The following GPR20 variants were observed in gnomAD, a reference collection of about 807,000 sequenced individuals.
GPR20 encodes the protein CTD-3064M3.3.
For missense variants in GPR20, 494 were observed against 527.4 expected, an observed-to-expected ratio of 0.94 and a Z score of 0.62; for synonymous variants, 241 against 241.9, an observed-to-expected ratio of 1.00 and a Z score of 0.04.
chr8:141,357,477 G>A lies in GPR20; in HGVS notation c.447C>T (p.Tyr149=). Residue 149 remains tyrosine (Y), a synonymous_variant, in exon 2 of 2, where the codon TAC becomes TAT. Coordinates refer to ENST00000377741, the MANE Select transcript of GPR20 (RefSeq NM_005293.3). ...AGCCTTCGGGCCGCACGATGGCCAG[G>A]TAGCGGTCCACGCAGATGCAGGTGA... ...LFLTCICVDR[Y]LAIVRPEGSR... The A allele has an allele frequency of 6.2e-7, 1 of 1,612,822 alleles. No homozygotes were observed. Among genetic ancestry groups the A allele is most frequent in the Non-Finnish European group, 8.5e-7 (1 of 1,179,836 alleles).
At chr8:141,362,495 C>G (rs535306631) in intron 1 of GPR20, among the ~76,000 whole-genome samples, 1 of 152,332 alleles carries the variant, frequency 6.6e-6, no homozygotes, top group South Asian at 2.1e-4. Context: ...TGAATGAACG[C>G]CCTGAGCAAG....
chr8:141,361,738 T>C (rs1033987578), intron 1 of GPR20, among the ~76,000 whole-genome samples: 9 of 145,442 alleles, frequency 6.2e-5, no homozygotes, highest in Non-Finnish European at 1.0e-4. Context: ...CTGCCCTGCA[T>C]GGCTGTCTTG....
chr8:141,364,392 A>T (rs1831784181), intron 1 of GPR20, among the ~76,000 whole-genome samples: 2 of 152,306 alleles, frequency 1.3e-5, no homozygotes, highest in South Asian at 4.1e-4. Flanking sequence ...GTTTTTGATA[A>T]GTCTGAGCCT....
At position 141,357,866 on chromosome 8, in the gene GPR20, C is replaced by T. The variant is rs1317301177; in HGVS notation, c.58G>A (p.Val20Met). 1 of 1,608,964 alleles carries T rather than the reference C, an allele frequency of 6.2e-7. No individual in the cohort carries two copies. Among genetic ancestry groups the T allele is most frequent in the East Asian group, 2.2e-5 (1 of 44,672 alleles). The change falls in exon 2 of 2, where the codon GTG (valine) becomes ATG (methionine). Residue 20 changes from valine to methionine, a missense_variant. Val to Met is a conservative substitution (Grantham distance 21, BLOSUM62 1). Transcript: ENST00000377741. ...CTGGCATTGGTCCGCACTGTTGTCA[C>T]TGCGGTGGCATTGGGGACTGCCCCG... Reference protein sequence around the residue: ...SAGAVPNATAVTTVRTNASGL... With the variant: ...SAGAVPNATAMTTVRTNASGL...
chr8:141,360,969 C>T (rs1045600022), intron 1 of GPR20, among the ~76,000 whole-genome samples: 1 of 152,182 alleles, frequency 6.6e-6, no homozygotes, highest in African/African-American at 2.4e-5. Context: ...GAGGCAGGGC[C>T]CTGTCCCCAA....
chr8:141,363,902 G>T (rs1369908621), intron 1 of GPR20, among the ~76,000 whole-genome samples: 1 of 152,268 alleles, frequency 6.6e-6, no homozygotes, highest in Non-Finnish European at 1.5e-5. Context: ...GACCCTGTGT[G>T]CTGTCTGTGG....
chr8:141,357,971 C>A (rs768535542), intron 1 of GPR20, 24 bp from the exon 2 acceptor site: 3 of 1,209,656 alleles, frequency 2.5e-6, no homozygotes, highest in African/African-American at 3.0e-5. Flanking sequence ...GACCAGGTCA[C>A]CCCAGGCGCC....
chr8:141,357,948 C>G lies in GPR20; in HGVS notation c.-24-1G>C. ...TGACGGCAGCCAGCACACCCCAGGC[C>G]TGGAAGCAAGGAGACCAGGTCACCC... is the stretch of plus-strand genomic sequence containing the variant. On this transcript the variant is annotated splice_acceptor_variant, in intron 1 of 1. Coordinates refer to ENST00000377741, the MANE Select transcript of GPR20 (RefSeq NM_005293.3). LOFTEE classifies it low-confidence loss of function (5UTR_SPLICE). The G allele has an allele frequency of 7.0e-7, 1 of 1,425,084 alleles. No individual in the cohort carries two copies. The highest frequency in any genetic ancestry group is 9.5e-7 in the Non-Finnish European group (1 of 1,049,580). The allele number at this position is 1,425,084 out of a possible 1,614,324, so 88.3% of individuals were successfully genotyped here. A position where few individuals can be genotyped will look rare whatever the true frequency, so the allele number is the denominator to read the frequency against.
intron 1 of GPR20, among the ~76,000 whole-genome samples, chr8:141,358,650 G>GC (rs756232272): frequency 1.1e-3 from 160 of 152,322 alleles, no homozygotes; most frequent in Non-Finnish European, 2.0e-3. Flanking sequence ...TCAGGTCAAT[G>GC]CCCTGGATGG....
chr8:141,361,123 C>T (rs990002808), intron 1 of GPR20, among the ~76,000 whole-genome samples: 1 of 152,250 alleles, frequency 6.6e-6, no homozygotes, highest in Non-Finnish European at 1.5e-5. Context: ...CAGGGACTGG[C>T]ACCGTGTCCT....
intron 1 of GPR20, among the ~76,000 whole-genome samples, chr8:141,360,832 G>C (rs1831723512): frequency 6.6e-6 from 1 of 152,244 alleles, no homozygotes; most frequent in Non-Finnish European, 1.5e-5. Flanking sequence ...ACCTGGGCCT[G>C]GTCAGTAGGC....
chr8:141,357,388 C>G lies in GPR20; in HGVS notation c.536G>C (p.Gly179Ala). ...AVCAFVWLAA[G>A]AVTLSVLGVT... ...GCCCAGCACCGACAGGGTGACGGCACCGGCGGCCAGCCACACGAAGGCGCA... is the reference window on the plus strand; with the variant it reads ...GCCCAGCACCGACAGGGTGACGGCAGCGGCGGCCAGCCACACGAAGGCGCA... Residue 179 changes from glycine to alanine, a missense_variant, in exon 2 of 2, where the codon GGT becomes GCT. Gly to Ala is a moderately conservative substitution (Grantham distance 60, BLOSUM62 0). Transcript: ENST00000377741. 1 of 1,580,940 alleles carries G rather than the reference C, an allele frequency of 6.3e-7. No individual in the cohort carries two copies. Among genetic ancestry groups the G allele is most frequent in the East Asian group, 2.3e-5 (1 of 43,164 alleles).
intron 1 of GPR20, among the ~76,000 whole-genome samples, chr8:141,365,950 C>T (rs1831808137): frequency 3.9e-5 from 6 of 152,216 alleles, no homozygotes; most frequent in Admixed American, 3.9e-4. Flanking sequence ...TGGAGTGCCT[C>T]AGGGGCCCTG....
intron 1 of GPR20, among the ~76,000 whole-genome samples, chr8:141,362,444 G>C (rs116103130): frequency 0.019 from 2,958 of 152,332 alleles, 99 homozygotes; most frequent in African/African-American, 0.067. Flanking sequence ...CCAGCACCCA[G>C]ATTGGCCTGG....
At chr8:141,362,103 C>T (rs1488807851) in intron 1 of GPR20, among the ~76,000 whole-genome samples, 2 of 152,216 alleles carry the variant, frequency 1.3e-5, no homozygotes, top group African/African-American at 4.8e-5. Flanking sequence ...CCAGTCACTG[C>T]ACCTGACTGA....
At chr8:141,358,780 CT>C (rs913535982) in intron 1 of GPR20, among the ~76,000 whole-genome samples, 3 of 152,234 alleles carry the variant, frequency 2.0e-5, no homozygotes, top group Non-Finnish European at 2.9e-5. Context: ...GCGGGCACCC[CT>C]ATGATCCCCC....
intron 1 of GPR20, among the ~76,000 whole-genome samples, chr8:141,363,418 C>A (rs1831768446): frequency 6.6e-6 from 1 of 152,280 alleles, no homozygotes; most frequent in South Asian, 2.1e-4. Context: ...GTCCTGGGAA[C>A]TTCCAAGGGG....
At position 141,357,109 on chromosome 8, in the gene GPR20, T is replaced by C; in HGVS notation, c.815A>G (p.His272Arg). The change falls in exon 2 of 2, where the codon CAC becomes CGC. Residue 272 changes from histidine (H) to arginine (R), a missense_variant. Physicochemically the swap from His to Arg is conservative, Grantham distance 29. Transcript: ENST00000377741. ...GTGGTAGACCACGAGGCTCGTGTGGTGTGGCATGTCGGGCCACAGCGCCAC... is the reference window on the plus strand; with the variant it reads ...GTGGTAGACCACGAGGCTCGTGTGGCGTGGCATGTCGGGCCACAGCGCCAC... ...VAVALWPDMP[H>R]HTSLVVYHVA... 6.2e-7 allele frequency: 1 copy of C among 1,612,098 alleles called. No homozygotes were observed. Among genetic ancestry groups the C allele is most frequent in the Admixed American group, 1.7e-5 (1 of 60,022 alleles).
chr8:141,356,803 C>T lies in GPR20; in HGVS notation c.*44G>A. The T allele has an allele frequency of 1.4e-6, 2 of 1,405,732 alleles. No individual in the cohort carries two copies. The highest frequency in any genetic ancestry group is 1.9e-6 in the Non-Finnish European group (2 of 1,028,866). 87.1% of individuals were successfully genotyped at this position (1,405,732 alleles called of 1,614,324 possible). ...CATGGTGGGTGTCCACGCTGGCATG[C>T]CCAGATGAGTCCTGACCTTCGGCCC... On this transcript the variant is annotated 3_prime_UTR_variant, in exon 2 of 2. Coordinates refer to ENST00000377741, the MANE Select transcript of GPR20 (RefSeq NM_005293.3).
Sources: gnomAD v4.1 joint callset for allele counts (sites outside exome capture counted in the v4.1 genomes callset) on GRCh38, gnomAD v4.1.1 for gene constraint, MANE v1.5 for transcripts, NCBI Gene and HGNC (gene_info 2026-07-23, HGNC 2026-07-21) for gene names.